The following PDCD2 variants were observed in gnomAD, a reference collection of about 807,000 sequenced individuals.
PDCD2 encodes the protein programmed cell death 2.
PDCD2 carries 38 observed loss-of-function variants against 38.1 expected under a neutral mutation model. The ratio of observed to expected loss-of-function variants is 1.00; its 90% CI spans 0.77 to 1.31. The LOEUF (loss-of-function observed/expected upper bound fraction) is 1.31, where lower values mean the gene tolerates loss of function less well. PDCD2 is among the 50% of genes most tolerant of loss of function. PDCD2 has a pLI of 0.00. For synonymous variants in PDCD2, 205 were observed against 168.9 expected, an observed-to-expected ratio of 1.21 and a Z score of -1.66; for missense variants, 473 against 435.7, an observed-to-expected ratio of 1.09 and a Z score of -0.76.
At chr6:170,583,437 G>A in intron 2 of PDCD2, 68 bp downstream of exon 2, 1 of 1,502,484 alleles carries the variant, frequency 6.7e-7, no homozygotes, top group Non-Finnish European at 9.0e-7. Context: ...CTTTAAAGTT[G>A]TCCTGGAAAT....
In PDCD2 at chr6:170,577,710, G is replaced by C; in HGVS notation, c.884C>G (p.Pro295Arg). 1 of 1,612,478 alleles carries C rather than the reference G, an allele frequency of 6.2e-7. No homozygotes were observed. The highest frequency in any genetic ancestry group is 1.1e-5 in the South Asian group (1 of 90,962). The change falls in exon 6 of 6, where the codon CCT becomes CGT. Residue 295 changes from proline (P) to arginine (R), a missense_variant. Transcript: ENST00000541970. ...AGCCTTCAGGTAGTTTAGGAGCTGA[G>C]GCATGACCTGAGAAGAGGGTGACAC... is the stretch of plus-strand genomic sequence containing the variant. ...AKRILEFQVM[P>R]QLLNYLKADR... is the part of the protein sequence containing the mutation.
At chr6:170,581,049 T>C (rs1185583429) in intron 3 of PDCD2, 1 of 152,196 alleles carries the variant, frequency 6.6e-6, no homozygotes, top group Middle Eastern at 3.2e-3. Context: ...TACTGCCTCC[T>C]GCCAAGTCTC....
At chr6:170,583,956 T>A (rs1779717077) in intron 1 of PDCD2, 2 of 572,194 alleles carry the variant, frequency 3.5e-6, no homozygotes, top group Non-Finnish European at 6.1e-6. Context: ...TTAATCAAAT[T>A]AATAAGACTG....
At chr6:170,584,144 G>C (rs1489281106) in intron 1 of PDCD2, 155 bp downstream of exon 1, 1 of 800,740 alleles carries the variant, frequency 1.2e-6, no homozygotes, top group Non-Finnish European at 1.7e-6. Flanking sequence ...ATCCTGGAAG[G>C]GCCCGGGAGA....
chr6:170,578,373 T>C, intron 5 of PDCD2: 1 of 476,688 alleles, frequency 2.1e-6, no homozygotes, highest in Non-Finnish European at 3.7e-6. Flanking sequence ...AAATGGATTT[T>C]GATGCTAACA....
Position 170,584,546 on chromosome 6 carries a change from G to GC in PDCD2, c.35dup (p.Phe13LeufsTer85). 3 of 1,358,854 alleles carry GC rather than the reference G, an allele frequency of 2.2e-6. No individual in the cohort carries two copies. Among genetic ancestry groups the GC allele is most frequent in the Non-Finnish European group, 2.8e-6 (3 of 1,058,066 alleles). 84.2% of individuals were successfully genotyped at this position (1,358,854 alleles called of 1,614,324 possible). On this transcript the variant is annotated frameshift_variant, in exon 1 of 6. Transcript: ENST00000541970. LOFTEE classifies it high-confidence loss of function. The stretch of plus-strand genomic sequence containing the variant: ...GCCACGCCGGCGCCGACTCGGCGAA[G>GC]CCCAGCTCCACAGGCCTGGCCCCGG...
chr6:170,584,274 G>A lies in PDCD2; in HGVS notation c.283+25C>T, dbSNP rs369857274. 5.6e-4 allele frequency: 780 copies of A among 1,404,646 alleles called. 1 individual carries two copies. Among genetic ancestry groups the A allele is most frequent in the Non-Finnish European group, 6.6e-4 (716 of 1,083,710 alleles). 87.0% of individuals were successfully genotyped at this position (1,404,646 alleles called of 1,614,324 possible). A position where few individuals can be genotyped will look rare whatever the true frequency, so the allele number is the denominator to read the frequency against. On this transcript the variant is annotated intron_variant, in intron 1 of 5. Transcript: ENST00000541970. Reference sequence around the variant, plus strand: ...GCGCACGCGTCGGAGGCATGGCCCCGTCCCGACCCCGTTTGGCGGCTCACC... The same window carrying A: ...GCGCACGCGTCGGAGGCATGGCCCCATCCCGACCCCGTTTGGCGGCTCACC...
intron 2 of PDCD2, 149 bp downstream of exon 2, chr6:170,583,356 C>CT (rs370825740): frequency 0.051 from 39,996 of 777,350 alleles, 16 homozygotes; most frequent in South Asian, 0.065. Context: ...ACTTCACAGC[C>CT]TTTTTTTTTT....
At position 170,584,458 on chromosome 6, in the gene PDCD2, C is replaced by G; in HGVS notation, c.124G>C (p.Gly42Arg). The change falls in exon 1 of 6, where the codon GGG becomes CGG. Residue 42 changes from glycine (G) to arginine (R), a missense_variant. Transcript: ENST00000541970. ...GCCAGGGCCTGGGGCCCCGGCAGCC[C>G]GGCCGCGCCCAGCCATGCCGGCCGC... ...GGRPAWLGAA[G>R]LPGPQALACE... 7.6e-7 allele frequency: 1 copy of G among 1,309,172 alleles called. No individual in the cohort carries two copies. The highest frequency in any genetic ancestry group is 9.6e-7 in the Non-Finnish European group (1 of 1,036,406). The allele number at this position is 1,309,172 out of a possible 1,614,324, so 81.1% of individuals were successfully genotyped here. A position where few individuals can be genotyped will look rare whatever the true frequency, so the allele number is the denominator to read the frequency against.
Position 170,584,454 on chromosome 6 carries a change from A to G in PDCD2, c.128T>C (p.Leu43Pro), listed in dbSNP as rs947729536. 17 of 1,310,926 alleles carry G rather than the reference A, an allele frequency of 1.3e-5. No individual in the cohort carries two copies. Among genetic ancestry groups the G allele is most frequent in the Non-Finnish European group, 1.6e-5 (17 of 1,037,238 alleles). 81.2% of individuals were successfully genotyped at this position (1,310,926 alleles called of 1,614,324 possible). The change falls in exon 1 of 6, where the codon CTG (leucine) becomes CCG (proline). Residue 43 changes from leucine (L) to proline (P), a missense_variant. Coordinates refer to ENST00000541970, the MANE Select transcript of PDCD2 (RefSeq NM_002598.4). ...GRPAWLGAAGLPGPQALACEL... is the reference protein window; with the variant it reads ...GRPAWLGAAGPPGPQALACEL... ...GCAGGCCAGGGCCTGGGGCCCCGGC[A>G]GCCCGGCCGCGCCCAGCCATGCCGG...
intron 3 of PDCD2, chr6:170,581,146 A>C (rs1011609708): frequency 8.5e-5 from 13 of 152,170 alleles, no homozygotes; most frequent in African/African-American, 3.1e-4. Context: ...GAAAAGTGGA[A>C]ATACTATAAT....
At chr6:170,582,231 A>G in intron 3 of PDCD2, 2 of 1,441,240 alleles carry the variant, frequency 1.4e-6, no homozygotes, top group Non-Finnish European at 1.9e-6. Flanking sequence ...GACTGTGAGC[A>G]TCTGACCACT....
At chr6:170,578,306 G>C (rs575029210) in intron 5 of PDCD2, among the ~76,000 whole-genome samples, 5 of 152,272 alleles carry the variant, frequency 3.3e-5, no homozygotes, top group East Asian at 1.9e-4. Context: ...ACCAATATTA[G>C]CTATGACTTT....
chr6:170,578,873 C>G lies in PDCD2; in HGVS notation c.860G>C (p.Arg287Thr). ...DIPDCPCGAK[R>T]ILEFQVMPQL... ...AGGTCATACCTGGAATTCCAATATT[C>G]TCTTGGCACCACAGGGGCAATCTGG... The change falls in exon 5 of 6, where the codon AGA becomes ACA. Residue 287 changes from arginine (R) to threonine (T), a missense_variant. By Grantham distance (71) the Arg-to-Thr change is moderately conservative. Transcript: ENST00000541970. 1 of 1,601,646 alleles carries G rather than the reference C, an allele frequency of 6.2e-7. No homozygotes were observed. Among genetic ancestry groups the G allele is most frequent in the East Asian group, 2.2e-5 (1 of 44,806 alleles).
chr6:170,582,448 G>A, intron 3 of PDCD2: 5 of 1,429,316 alleles, frequency 3.5e-6, no homozygotes, highest in South Asian at 1.5e-5. Flanking sequence ...TGTGACCAAA[G>A]AAAGTTATAC....
chr6:170,579,132 C>CT (rs17860827), intron 4 of PDCD2, 162 bp from the exon 5 acceptor site: 47,821 of 570,892 alleles, frequency 0.084, 2,478 homozygotes, highest in Non-Finnish European at 0.1. Context: ...CAGTGTGCCA[C>CT]TAATGCCTTC....
In PDCD2 at chr6:170,579,962, C is replaced by T. The variant is rs375417341; in HGVS notation, c.762+40G>A. 5.6e-5 allele frequency: 56 copies of T among 1,008,196 alleles called. No individual in the cohort carries two copies. In the Middle Eastern group the frequency reaches 6.2e-4, roughly 11 times the overall value. The allele number at this position is 1,008,196 out of a possible 1,614,324, so 62.5% of individuals were successfully genotyped here. A position where few individuals can be genotyped will look rare whatever the true frequency, so the allele number is the denominator to read the frequency against. The stretch of plus-strand genomic sequence containing the variant: ...ACAGATTATACTCATAAAACATGGC[C>T]TGAAGAGAACACGATGAGGAGCTAT... On this transcript the variant is annotated intron_variant, in intron 4 of 5. Transcript: ENST00000541970.
At position 170,583,725 on chromosome 6, in the gene PDCD2, C is replaced by T; in HGVS notation, c.306G>A (p.Arg102=). Residue 102 remains arginine, a synonymous_variant, in exon 2 of 6, where the codon AGG becomes AGA. Coordinates refer to ENST00000541970, the MANE Select transcript of PDCD2 (RefSeq NM_002598.4). ...GCTCATATGAGTAAAAATCGTTTTT[C>T]CTGGGTAGTTGATTCCTAAAAACTA... The part of the protein sequence containing the change: ...GLRVFRNQLP[R]KNDFYSYEPP... 6.2e-7 allele frequency: 1 copy of T among 1,612,082 alleles called. No homozygotes were observed. The highest frequency in any genetic ancestry group is 2.2e-5 in the East Asian group (1 of 44,850).
At position 170,577,555 on chromosome 6, in the gene PDCD2, G is replaced by T; in HGVS notation, c.*4C>A. On this transcript the variant is annotated 3_prime_UTR_variant, in exon 6 of 6. Coordinates refer to ENST00000541970, the MANE Select transcript of PDCD2 (RefSeq NM_002598.4). ...TTAACATTTTTCAAGGCTTTAAGAT[G>T]CCTTTACGGTGTATCTGTTACATCC... 1 of 1,611,432 alleles carries T rather than the reference G, an allele frequency of 6.2e-7. No homozygotes were observed.
Sources: gnomAD v4.1 joint callset for allele counts (sites outside exome capture counted in the v4.1 genomes callset) on GRCh38, gnomAD v4.1.1 for gene constraint, MANE v1.5 for transcripts, NCBI Gene and HGNC (gene_info 2026-07-23, HGNC 2026-07-21) for gene names.